WDFY4: variants seen among roughly 807,000 people sequenced by gnomAD.
The protein encoded by WDFY4 is WD repeat- and FYVE domain-containing protein 4.
In WDFY4, 169 loss-of-function variants were observed where a neutral mutation model predicts 351.9. The ratio of observed to expected loss-of-function variants is 0.48; its 90% CI spans 0.42 to 0.55. WDFY4 has a LOEUF of 0.55. WDFY4 is among the 20% of genes least tolerant of loss of function. The pLI is 0.00. For missense variants in WDFY4, 3,803 were observed against 3,935.6 expected (o/e 0.97, Z 0.90); for synonymous variants, 1,622 against 1,574.6 (o/e 1.03, Z -0.71).
rs541716103 is a variant in WDFY4, at chr10:48,951,437, C to T, written c.7977+4468C>T. Among the ~76,000 whole-genome samples, 5 of 152,168 alleles carry T rather than the reference C, an allele frequency of 3.3e-5. No homozygotes were observed. The East Asian group carries it at 7.7e-4, about 24-fold the overall frequency. Reference sequence around the variant, plus strand: ...TCTTTTGTTCATTTGTTTTTTGAGACATGGTCTTGCTCTGTCACTCAGGCT... The same window carrying T: ...TCTTTTGTTCATTTGTTTTTTGAGATATGGTCTTGCTCTGTCACTCAGGCT... On this transcript the variant is annotated intron_variant, in intron 51 of 61. Coordinates refer to ENST00000325239, the MANE Select transcript of WDFY4 (RefSeq NM_001394531.1).
chr10:48,952,836 C>T (rs1382752016), intron 51 of WDFY4, among the ~76,000 whole-genome samples: 1 of 152,202 alleles, frequency 6.6e-6, no homozygotes, highest in African/African-American at 2.4e-5. Flanking sequence ...GTGGGCTTCC[C>T]AACGCCATGA....
At chr10:48,742,841 T>C (rs909969678) in intron 11 of WDFY4, 127 bp from the exon 12 acceptor site, 54 of 838,620 alleles carry the variant, frequency 6.4e-5, no homozygotes, top group Non-Finnish European at 9.4e-5. Context: ...GAGTGATCCT[T>C]CCTGTAACTT....
intron 57 of WDFY4, among the ~76,000 whole-genome samples, chr10:48,971,352 C>T (rs1482618740): frequency 6.6e-6 from 1 of 152,056 alleles, no homozygotes; most frequent in Non-Finnish European, 1.5e-5. Flanking sequence ...ACAGATTAGC[C>T]AGGCGTGGTG....
Position 48,875,258 on chromosome 10 carries a change from C to G in WDFY4, c.7000+118C>G, listed in dbSNP as rs560001340. 7.9e-6 allele frequency: 4 copies of G among 507,904 alleles called. No homozygotes were observed. In the South Asian group the frequency reaches 3.3e-4, roughly 42 times the overall value. 31.5% of individuals were successfully genotyped at this position (507,904 alleles called of 1,614,324 possible). ...AGAGGAAAATGCTATTGTAGCCAGC[C>G]CTGGGACTTATTGTTACTGCACTTC... On this transcript the variant is annotated intron_variant, in intron 42 of 61. Transcript: ENST00000325239.
intron 1 of WDFY4, among the ~76,000 whole-genome samples, chr10:48,689,740 G>A (rs1774498205): frequency 6.6e-6 from 1 of 152,174 alleles, no homozygotes; most frequent in South Asian, 2.1e-4. Context: ...TAGGAGAAGT[G>A]AAAAGCCACT....
rs1338059495 is a variant in WDFY4 at position 48,959,780 on chromosome 10, G to A, written c.8190G>A (p.Gly2730=). ...TGCAGCTCCCTCCCTGGGCTGATGG[G>A]GACCCTCGGAAATTCATCAGCCTGC... is the stretch of plus-strand genomic sequence containing the variant. ...GDVQLPPWAD[G]DPRKFISLHR... is the part of the protein sequence containing the mutation. Residue 2730 remains glycine, a synonymous_variant, in exon 53 of 62, where the codon GGG becomes GGA. Coordinates refer to ENST00000325239, the MANE Select transcript of WDFY4 (RefSeq NM_001394531.1). The A allele has an allele frequency of 1.9e-6, 3 of 1,551,358 alleles. No homozygotes were observed. The highest frequency in any genetic ancestry group is 2.6e-6 in the Non-Finnish European group (3 of 1,146,756).
Position 48,982,539 on chromosome 10 carries a change from G to A in WDFY4, c.9519G>A (p.Glu3173=), listed in dbSNP as rs1348452963. Residue 3173 remains glutamate (E), a synonymous_variant, in exon 62 of 62, where the codon GAG becomes GAA. Transcript: ENST00000325239. ...ACACCAAACTCCTGGTTGGTGATGA[G>A]AGGGGGAGAATATTCTGCTGGTCTG... ...RNHTKLLVGD[E]RGRIFCWSAD... 1.3e-6 allele frequency: 2 copies of A among 1,538,060 alleles called. No homozygotes were observed. Among genetic ancestry groups the A allele is most frequent in the Non-Finnish European group, 1.8e-6 (2 of 1,138,188 alleles).
At chr10:48,981,283 T>C (rs1469688069) in intron 60 of WDFY4, 84 bp from the exon 61 acceptor site, 14 of 1,080,686 alleles carry the variant, frequency 1.3e-5, no homozygotes, top group Non-Finnish European at 1.8e-5. Context: ...TGTGCGTATG[T>C]GTTTGCGGCC....
At chr10:48,950,023 A>G (rs1052788858) in intron 51 of WDFY4, among the ~76,000 whole-genome samples, 8 of 152,132 alleles carry the variant, frequency 5.3e-5, no homozygotes, top group African/African-American at 1.9e-4. Flanking sequence ...ACTATTTTAT[A>G]CTTATTTGTT....
In WDFY4 at chr10:48,982,695, A is replaced by C; in HGVS notation, c.*120A>C. The C allele has an allele frequency of 1.4e-4, 137 of 988,330 alleles. No homozygotes were observed. Among genetic ancestry groups the C allele is most frequent in the East Asian group, 2.4e-4 (8 of 33,902 alleles). 61.2% of individuals were successfully genotyped at this position (988,330 alleles called of 1,614,324 possible). A position where few individuals can be genotyped will look rare whatever the true frequency, so the allele number is the denominator to read the frequency against. On this transcript the variant is annotated 3_prime_UTR_variant, in exon 62 of 62. Transcript: ENST00000325239. The stretch of plus-strand genomic sequence containing the variant: ...CAGGGCCTCCTTCCCCACAGTTCTC[A>C]AGGAAGGGCCTCTGGCAATCACAGC...
chr10:48,880,354 G>C (rs1251608151), intron 43 of WDFY4, among the ~76,000 whole-genome samples: 2 of 152,216 alleles, frequency 1.3e-5, no homozygotes, highest in African/African-American at 4.8e-5. Context: ...GGAGCGGCAA[G>C]AGTCTGAAGC....
chr10:48,940,066 C>G (rs1266616772), intron 47 of WDFY4, among the ~76,000 whole-genome samples: 1 of 152,246 alleles, frequency 6.6e-6, no homozygotes, highest in Non-Finnish European at 1.5e-5. Flanking sequence ...GAGCAGCAGG[C>G]TGTGGCAGGC....
intron 47 of WDFY4, among the ~76,000 whole-genome samples, chr10:48,916,871 ATGTGTGTGTGTGTGTGTGTG>A (rs55891907): frequency 2.0e-5 from 3 of 149,286 alleles, no homozygotes; most frequent in Non-Finnish European, 4.4e-5. Flanking sequence ...CTTTAAAAAT[ATGTGTGTGTGTGTGTGTGTG>A]TGTGTGTGTG....
In WDFY4 at chr10:48,826,855, A is replaced by G; in HGVS notation, c.6167A>G (p.Asn2056Ser). 3 of 1,551,722 alleles carry G rather than the reference A, an allele frequency of 1.9e-6. No homozygotes were observed. The highest frequency in any genetic ancestry group is 2.6e-6 in the Non-Finnish European group (3 of 1,146,994). Residue 2056 changes from asparagine (N) to serine (S), a missense_variant, in exon 36 of 62, where the codon AAC becomes AGC. This residue lies in a region of WDFY4 where 3,054 missense variants were observed against 3,148.6 expected (regional missense o/e 0.97). Transcript: ENST00000325239. Reference protein sequence around the residue: ...WDVVFATYNSNISFLLCLMHC... With the variant: ...WDVVFATYNSSISFLLCLMHC... ...GTTGTCTTTGCCACCTACAATTCCA[A>G]CATCAGCTTCCTCCTGTGTCTCATG...
At chr10:48,788,313 G>A (rs1435617738) in intron 20 of WDFY4, among the ~76,000 whole-genome samples, 2 of 152,158 alleles carry the variant, frequency 1.3e-5, no homozygotes, top group Non-Finnish European at 2.9e-5. Flanking sequence ...ACAGGCATGA[G>A]CCACCATGCC....
chr10:48,782,457 T>C (rs1452071590), intron 19 of WDFY4, among the ~76,000 whole-genome samples: 1 of 152,116 alleles, frequency 6.6e-6, no homozygotes, highest in African/African-American at 2.4e-5. Flanking sequence ...TGTGGTTGGG[T>C]GAAGTGGTAC....
chr10:48,685,197 C>T (rs1161690184), intron 1 of WDFY4, among the ~76,000 whole-genome samples, 196 bp downstream of exon 1: 1 of 152,154 alleles, frequency 6.6e-6, no homozygotes, highest in African/African-American at 2.4e-5. Flanking sequence ...GCGTGGGGGG[C>T]CCATGTGGTC....
At chr10:48,767,995 T>C (rs1244355874) in intron 13 of WDFY4, among the ~76,000 whole-genome samples, 2 of 152,128 alleles carry the variant, frequency 1.3e-5, no homozygotes, top group South Asian at 2.1e-4. Context: ...CAAGCCCTAC[T>C]TTCATGCTGG....
rs1397375351 is a variant in WDFY4 at position 48,731,342 on chromosome 10, C to G, written c.1362C>G (p.Ala454=). 1.9e-6 allele frequency: 3 copies of G among 1,551,642 alleles called. No homozygotes were observed. The highest frequency in any genetic ancestry group is 2.6e-6 in the Non-Finnish European group (3 of 1,147,004). ...AACACTTCTTCCAGCTTCTAGAGGC[C>G]CTGGTGTTCGAGCTGCACTACGTGC... ...VQEHFFQLLE[A]LVFELHYVPH... Residue 454 remains alanine, a synonymous_variant, in exon 9 of 62, where the codon GCC becomes GCG. Transcript: ENST00000325239.
Sources: allele counts gnomAD v4.1 joint callset (sites outside exome capture counted in the v4.1 genomes callset), GRCh38; gene constraint gnomAD v4.1.1; regional missense constraint gnomAD v4.1.1; transcripts MANE v1.5; gene names NCBI Gene and HGNC (gene_info 2026-07-23, HGNC 2026-07-21).